The following AKAP12 variants were observed in gnomAD, a reference collection of about 807,000 sequenced individuals.
AKAP12 encodes the protein A-kinase anchor protein 12.
AKAP12 carries 32 observed loss-of-function variants against 79.9 expected under a neutral mutation model. The ratio of observed to expected loss-of-function variants is 0.40; its 90% CI spans 0.30 to 0.54. AKAP12 has a LOEUF of 0.54. AKAP12 is among the 20% of genes least tolerant of loss of function. The pLI is 0.48. For missense variants in AKAP12, 2,074 were observed against 2,177.0 expected, an observed-to-expected ratio of 0.95 and a Z score of 0.94; for synonymous variants, 808 against 857.0, an observed-to-expected ratio of 0.94 and a Z score of 1.00.
intron 2 of AKAP12, among the ~76,000 whole-genome samples, chr6:151,256,962 A>ATATATATATAT (rs1554319585): frequency 6.6e-6 from 1 of 151,090 alleles, no homozygotes; most frequent in African/African-American, 2.4e-5. Context: ...ATATATATAT[A>ATATATATATAT]AACTTTAAAT....
intron 3 of AKAP12, among the ~76,000 whole-genome samples, chr6:151,317,228 C>T (rs543006184): frequency 2.0e-5 from 3 of 152,288 alleles, no homozygotes; most frequent in South Asian, 2.1e-4. Flanking sequence ...TGAAGGTTTG[C>T]GGAGTTTTCT....
At chr6:151,278,858 A>T (rs372100061) in intron 2 of AKAP12, among the ~76,000 whole-genome samples, 7 of 151,700 alleles carry the variant, frequency 4.6e-5, no homozygotes, top group Non-Finnish European at 8.8e-5. Context: ...TAGTAGAGAC[A>T]GGGTTTCACC....
intron 3 of AKAP12, chr6:151,348,423 G>A (rs991009407): frequency 4.3e-5 from 23 of 529,888 alleles, no homozygotes; most frequent in Non-Finnish European, 8.0e-5. Flanking sequence ...AGGGTCACTT[G>A]AGCCCAGCAG....
rs371807219 is a variant in AKAP12 at position 151,351,510 on chromosome 6, A to T, written c.3119A>T (p.Gln1040Leu). Residue 1040 changes from glutamine to leucine, a missense_variant, in exon 4 of 5, where the codon CAA becomes CTA. Around this residue, in one of 3 missense-constraint regions of AKAP12, gnomAD observed 1,428 missense variants for 1,451.0 expected, o/e 0.98. Coordinates refer to ENST00000402676, the MANE Select transcript of AKAP12 (RefSeq NM_005100.4). The surrounding 1 kb of genome is among the most constrained non-coding windows in gnomAD (Gnocchi z 4.4). ...ATAGAAGAGCAAGAGAGGCGGACTC[A>T]AGAGGTCCTCCAGGCAGTGGCAGAA... ...PDIEEQERRTQEVLQAVAEKV... is the reference protein window; with the variant it reads ...PDIEEQERRTLEVLQAVAEKV... 6.3e-5 allele frequency: 102 copies of T among 1,614,162 alleles called. No homozygotes were observed. The Middle Eastern group carries it at 3.0e-3, about 47-fold the overall frequency.
chr6:151,313,628 T>C (rs1777168430), intron 3 of AKAP12, among the ~76,000 whole-genome samples: 1 of 152,232 alleles, frequency 6.6e-6, no homozygotes, highest in Admixed American at 6.5e-5. Context: ...CTCTGAACTA[T>C]ATTCAAGTCT....
chr6:151,295,564 A>T (rs1776707342), intron 2 of AKAP12, among the ~76,000 whole-genome samples: 1 of 152,180 alleles, frequency 6.6e-6, no homozygotes, highest in South Asian at 2.1e-4. Flanking sequence ...TTAAATAGCA[A>T]GCACTGCCAT....
intron 2 of AKAP12, among the ~76,000 whole-genome samples, chr6:151,290,335 G>T (rs1474851437): frequency 1.3e-5 from 2 of 152,108 alleles, no homozygotes; most frequent in Non-Finnish European, 2.9e-5. Flanking sequence ...TGGACACCAT[G>T]ACGAGCTCAG....
intron 3 of AKAP12, chr6:151,324,818 T>G (rs1262113605): frequency 1.0e-6 from 1 of 985,316 alleles, no homozygotes; most frequent in Non-Finnish European, 1.2e-6. Context: ...CTCGTGTCTT[T>G]ACAAAGAACA....
chr6:151,326,705 C>T (rs183791935), intron 3 of AKAP12, among the ~76,000 whole-genome samples: 1 of 152,196 alleles, frequency 6.6e-6, no homozygotes, highest in Admixed American at 6.5e-5. Context: ...TTTTCTCTTC[C>T]TGTCATCAAG....
chr6:151,287,747 A>C (rs60823458), intron 2 of AKAP12, among the ~76,000 whole-genome samples: 6 of 151,990 alleles, frequency 3.9e-5, no homozygotes, highest in African/African-American at 1.5e-4. Flanking sequence ...TCATTCTACT[A>C]TAAAGACACA....
intron 3 of AKAP12, chr6:151,324,014 ACT>A (rs1380886360): frequency 2.0e-6 from 2 of 985,196 alleles, no homozygotes; most frequent in Admixed American, 6.2e-5. Flanking sequence ...CAGCCAGGAC[ACT>A]CTGGGGCTGG....
intron 2 of AKAP12, among the ~76,000 whole-genome samples, chr6:151,254,359 C>CTTT (rs72424619): frequency 6.6e-6 from 1 of 150,402 alleles, no homozygotes. Flanking sequence ...TTAGATTAGT[C>CTTT]TTTTTTGTTT....
chr6:151,306,677 AG>A (rs1323421547), intron 3 of AKAP12, among the ~76,000 whole-genome samples: 1 of 152,230 alleles, frequency 6.6e-6, no homozygotes, highest in Non-Finnish European at 1.5e-5. Context: ...CGCCTCACTT[AG>A]ATGAGATTCT....
chr6:151,250,647 C>A (rs909221911), intron 2 of AKAP12, among the ~76,000 whole-genome samples: 2 of 149,718 alleles, frequency 1.3e-5, no homozygotes, highest in Non-Finnish European at 3.0e-5. Flanking sequence ...GCTCTGTTGC[C>A]CAGGCTGGAG....
At position 151,348,219 on chromosome 6, in the gene AKAP12, C is replaced by G. The variant is rs567501000; in HGVS notation, c.320-492C>G. The G allele has an allele frequency of 2.5e-4, 88 of 349,602 alleles. 1 individual carries two copies. The highest frequency in any genetic ancestry group is 1.6e-3 in the African/African-American group (75 of 46,022). The allele number at this position is 349,602 out of a possible 1,614,324, so 21.7% of individuals were successfully genotyped here. A position where few individuals can be genotyped will look rare whatever the true frequency, so the allele number is the denominator to read the frequency against. On this transcript the variant is annotated intron_variant, in intron 3 of 4. Transcript: ENST00000402676. ...ACAGACGCCTGTAATCCCAGCTAAT[C>G]AGGAGGCTGAGGTGGGAGAATCACT...
At chr6:151,354,881 A>G (rs952468258) in intron 4 of AKAP12, among the ~76,000 whole-genome samples, 1 of 151,778 alleles carries the variant, frequency 6.6e-6, no homozygotes. Flanking sequence ...GGGTCTTGCT[A>G]TGTTGCCCAG....
chr6:151,353,795 C>T (rs1412488659), intron 4 of AKAP12, 43 bp downstream of exon 4: 76 of 1,338,338 alleles, frequency 5.7e-5, no homozygotes, highest in Non-Finnish European at 2.0e-6. Flanking sequence ...TCTTTTATGC[C>T]AATAGATGGC....
chr6:151,348,681 C>CGGGGG, intron 3 of AKAP12, 30 bp from the exon 4 acceptor site: 1 of 218,350 alleles, frequency 4.6e-6, no homozygotes, highest in Non-Finnish European at 9.1e-6. Context: ...TTTCTCTTCT[C>CGGGGG]CCCACCCCCC....
chr6:151,329,107 G>A (rs1397955083), intron 3 of AKAP12, among the ~76,000 whole-genome samples: 1 of 138,900 alleles, frequency 7.2e-6, no homozygotes, highest in Non-Finnish European at 1.5e-5. Flanking sequence ...TAAATGGCGT[G>A]CCAGCATAAA....
Sources: allele counts gnomAD v4.1 joint callset (sites outside exome capture counted in the v4.1 genomes callset), GRCh38; gene constraint gnomAD v4.1.1; regional missense constraint gnomAD v4.1.1; non-coding constraint Gnocchi (gnomAD v3.1); transcripts MANE v1.5; gene names NCBI Gene and HGNC (gene_info 2026-07-23, HGNC 2026-07-21).